The following TMIE variants were observed in gnomAD, a reference collection of about 807,000 sequenced individuals.
TMIE encodes the protein transmembrane inner ear, also known as transmembrane inner ear expressed protein.
TMIE carries 14 observed loss-of-function variants against 16.8 expected under a neutral mutation model. The observed-to-expected ratio is 0.83, with a 90% CI of 0.55 to 1.30. The LOEUF (loss-of-function observed/expected upper bound fraction) is 1.30. Among genes scored for constraint, TMIE ranks in the 50% most tolerant of loss-of-function variants. The probability of loss-of-function intolerance (pLI) is 0.00; values close to 1 mark genes in which losing one functional copy is unlikely to be tolerated. For synonymous variants in TMIE, 75 were observed against 87.2 expected, an observed-to-expected ratio of 0.86 and a Z score of 0.78; for missense variants, 204 against 205.9, an observed-to-expected ratio of 0.99 and a Z score of 0.06.
In TMIE at chr3:46,706,269, C is replaced by A. The variant is rs943185746; in HGVS notation, c.211+362C>A. 2.6e-5 allele frequency among the ~76,000 whole-genome samples: 4 copies of A among 152,232 alleles called. No individual in the cohort carries two copies. The South Asian group carries it at 6.2e-4, about 24-fold the overall frequency. On this transcript the variant is annotated intron_variant, in intron 2 of 3. Transcript: ENST00000643606. ...CTTAAAGGCCCACACCCAGGGGCCC[C>A]AGCAAGGCCATCCTCCACTAGAGGC... is the stretch of plus-strand genomic sequence containing the variant.
At chr3:46,701,269 A>C (rs1700469761), upstream of TMIE, 2 of 391,116 alleles carry the variant, frequency 5.1e-6, no homozygotes, top group Non-Finnish European at 9.2e-6. The surrounding 1 kb of genome is among the most constrained non-coding windows in gnomAD (Gnocchi z 4.3). Flanking sequence ...AGGGAGGGGG[A>C]GCCTGCGGCC....
At chr3:46,709,541 T>C in intron 3 of TMIE, 38 bp from the exon 4 acceptor site, 1 of 1,613,786 alleles carries the variant, frequency 6.2e-7, no homozygotes. Context: ...GGACCTTGTC[T>C]CACCACTATC....
chr3:46,705,849 C>T lies in TMIE; in HGVS notation c.153C>T (p.Phe51=). The part of the protein sequence containing the change: ...PPPLTKETVV[F]WDMRLWHVVG... ...CGCTGACCAAGGAGACAGTGGTGTT[C>T]TGGGACATGCGCCTGTGGCACGTGG... The change falls in exon 2 of 4, where the codon TTC becomes TTT. Residue 51 remains phenylalanine, a synonymous_variant. Coordinates refer to ENST00000643606, the MANE Select transcript of TMIE (RefSeq NM_147196.3). 6.2e-7 allele frequency: 1 copy of T among 1,614,152 alleles called. No homozygotes were observed. Among genetic ancestry groups the T allele is most frequent in the Non-Finnish European group, 8.5e-7 (1 of 1,180,046 alleles).
chr3:46,707,450 G>A (rs1281973372), intron 2 of TMIE, among the ~76,000 whole-genome samples: 2 of 152,186 alleles, frequency 1.3e-5, no homozygotes. Flanking sequence ...CCGGATCTAG[G>A]CAGTGGGGGC....
chr3:46,695,629 CAGGTGGGGCA>C (rs1309993498), intron 1 of TMIE, among the ~76,000 whole-genome samples: 31 of 152,278 alleles, frequency 2.0e-4, no homozygotes, highest in Non-Finnish European at 4.4e-5. Flanking sequence ...CGAACAGGGA[CAGGTGGGGCA>C]AGGCCCCGAG....
upstream of TMIE, among the ~76,000 whole-genome samples, chr3:46,696,631 C>G (rs143392545): frequency 7.9e-5 from 12 of 152,240 alleles, no homozygotes; most frequent in Admixed American, 7.8e-4. Flanking sequence ...CCAGCTCCCC[C>G]AGAGCTAAAC....
chr3:46,701,465 G>T lies in TMIE; in HGVS notation c.-23G>T. ...GCCGGCCCGTTCGTCCCTGGGCTCC[G>T]CAAGCGGCGCGGTGGCACGAAGATG... On this transcript the variant is annotated 5_prime_UTR_variant, in exon 1 of 4. Transcript: ENST00000643606. This position sits in a 1 kb window ranked among gnomAD's most constrained non-coding sequence, Gnocchi z 4.3. 5.8e-6 allele frequency: 8 copies of T among 1,381,780 alleles called. No individual in the cohort carries two copies. The highest frequency in any genetic ancestry group is 1.9e-4 in the Middle Eastern group (1 of 5,396). The allele number at this position is 1,381,780 out of a possible 1,614,324, so 85.6% of individuals were successfully genotyped here. A position where few individuals can be genotyped will look rare whatever the true frequency, so the allele number is the denominator to read the frequency against.
intron 2 of TMIE, 149 bp downstream of exon 2, chr3:46,706,056 T>G (rs1700548967): frequency 4.7e-6 from 4 of 844,218 alleles, no homozygotes; most frequent in Non-Finnish European, 8.1e-6. Context: ...CACCTCCTGA[T>G]CCACACAAAC....
At chr3:46,705,309 G>A (rs1450953463) in intron 1 of TMIE, among the ~76,000 whole-genome samples, 2 of 152,186 alleles carry the variant, frequency 1.3e-5, no homozygotes, top group Non-Finnish European at 2.9e-5. Flanking sequence ...AGGCCACCTG[G>A]CAGGGGTCCA....
chr3:46,709,741 G>A lies in TMIE; in HGVS notation c.*53G>A. ...GGCCCTGGAGCTCAAGCCGTGGCCG[G>A]GGTCCAGGCATGTTGGACTCTGAGC... On this transcript the variant is annotated 3_prime_UTR_variant, in exon 4 of 4. Coordinates refer to ENST00000643606, the MANE Select transcript of TMIE (RefSeq NM_147196.3). 1.9e-6 allele frequency: 3 copies of A among 1,610,144 alleles called. No homozygotes were observed. Among genetic ancestry groups the A allele is most frequent in the Non-Finnish European group, 1.7e-6 (2 of 1,178,442 alleles).
chr3:46,700,667 T>C (rs1180030047), upstream of TMIE, among the ~76,000 whole-genome samples: 1 of 152,172 alleles, frequency 6.6e-6, no homozygotes, highest in Non-Finnish European at 1.5e-5. Flanking sequence ...CCCTCAGTTG[T>C]CAAGGCTCAA....
chr3:46,693,780 T>A, upstream of TMIE: 1 of 150,278 alleles, frequency 6.7e-6, no homozygotes, highest in Non-Finnish European at 1.5e-5. Context: ...CTCCGGGTGT[T>A]GCTCTGGAGT....
intron 1 of TMIE, among the ~76,000 whole-genome samples, chr3:46,705,539 G>T (rs183096000): frequency 2.8e-4 from 42 of 152,278 alleles, no homozygotes; most frequent in African/African-American, 1.0e-3. Context: ...ATCCACATTT[G>T]CTCCTCCAGG....
Position 46,701,573 on chromosome 3 carries a change from T to C in TMIE, c.86T>C (p.Leu29Pro). The C allele has an allele frequency of 7.8e-7, 1 of 1,282,174 alleles. No individual in the cohort carries two copies. Among genetic ancestry groups the C allele is most frequent in the Non-Finnish European group, 9.8e-7 (1 of 1,017,584 alleles). The allele number at this position is 1,282,174 out of a possible 1,614,324, so 79.4% of individuals were successfully genotyped here. A position where few individuals can be genotyped will look rare whatever the true frequency, so the allele number is the denominator to read the frequency against. ...GVCLAGVAGQ[L>P]VEPSTAPPKP... ...TGCCTCGCGGGGGTTGCCGGGCAGC[T>C]GGTGGAGGTGAGGCCGCGGCACGGA... The change falls in exon 1 of 4, where the codon CTG becomes CCG. Residue 29 changes from leucine (L) to proline (P), a missense_variant. By Grantham distance (98) the Leu-to-Pro change is moderately conservative (BLOSUM62 -3). Coordinates refer to ENST00000643606, the MANE Select transcript of TMIE (RefSeq NM_147196.3). This position sits in a 1 kb window ranked among gnomAD's most constrained non-coding sequence, Gnocchi z 4.3.
chr3:46,710,126 A>C lies in TMIE; in HGVS notation c.*438A>C. 1 of 276,300 alleles carries C rather than the reference A, an allele frequency of 3.6e-6. No individual in the cohort carries two copies. The allele number at this position is 276,300 out of a possible 1,614,324, so 17.1% of individuals were successfully genotyped here. A position where few individuals can be genotyped will look rare whatever the true frequency, so the allele number is the denominator to read the frequency against. On this transcript the variant is annotated 3_prime_UTR_variant, in exon 4 of 4. Coordinates refer to ENST00000643606, the MANE Select transcript of TMIE (RefSeq NM_147196.3). ...GTGTGAGGCCACACCCAGAGTAGCCATGAGGAGGCAGAGAGGGTCACTGGG... is the reference window on the plus strand; with the variant it reads ...GTGTGAGGCCACACCCAGAGTAGCCCTGAGGAGGCAGAGAGGGTCACTGGG...
upstream of TMIE, chr3:46,701,373 C>T (rs1428265538): frequency 1.3e-6 from 1 of 768,252 alleles, no homozygotes. The surrounding 1 kb of genome is among the most constrained non-coding windows in gnomAD (Gnocchi z 4.3). Flanking sequence ...ATAAATGATG[C>T]TCGCTGACTA....
upstream of TMIE, among the ~76,000 whole-genome samples, chr3:46,699,069 T>A (rs1273758504): frequency 7.1e-6 from 1 of 141,234 alleles, no homozygotes; most frequent in East Asian, 2.0e-4. Context: ...TATTTTTTTT[T>A]TTTTTTTTTT....
intron 1 of TMIE, among the ~76,000 whole-genome samples, chr3:46,696,193 T>G (rs970111696): frequency 1.3e-5 from 2 of 152,200 alleles, no homozygotes; most frequent in African/African-American, 4.8e-5. Context: ...GGACTCCAAG[T>G]TGCACAACTC....
upstream of TMIE, among the ~76,000 whole-genome samples, chr3:46,698,485 C>T (rs1700429645): frequency 6.6e-6 from 1 of 151,948 alleles, no homozygotes; most frequent in South Asian, 2.1e-4. Flanking sequence ...TGGCGTCTTG[C>T]TATGTTGCCC....
Sources: allele counts gnomAD v4.1 joint callset (sites outside exome capture counted in the v4.1 genomes callset), GRCh38; gene constraint gnomAD v4.1.1; non-coding constraint Gnocchi (gnomAD v3.1); transcripts MANE v1.5; gene names NCBI Gene and HGNC (gene_info 2026-07-23, HGNC 2026-07-21).